The following SLC35D2 variants were observed in gnomAD, a reference collection of about 807,000 sequenced individuals.
The protein encoded by SLC35D2 is nucleotide sugar transporter SLC35D2.
SLC35D2 carries 43 observed loss-of-function variants against 41.8 expected under a neutral mutation model. The ratio of observed to expected loss-of-function variants is 1.03; its 90% CI spans 0.81 to 1.33. The LOEUF (loss-of-function observed/expected upper bound fraction) is 1.33, where lower values mean the gene tolerates loss of function less well. Ranked by LOEUF, SLC35D2 falls within the 40% of genes most tolerant of loss-of-function variation. SLC35D2 has a pLI of 0.00. For synonymous variants in SLC35D2, 150 were observed against 163.9 expected (o/e 0.92, Z 0.65); for missense variants, 380 against 408.4 (o/e 0.93, Z 0.60).
intron 8 of SLC35D2, among the ~76,000 whole-genome samples, chr9:96,339,741 C>A (rs954452577): frequency 3.3e-5 from 5 of 152,078 alleles, no homozygotes; most frequent in African/African-American, 1.2e-4. Context: ...AGAAAGTTCA[C>A]CCGCTGAGTA....
chr9:96,336,111 A>G (rs1829041490), intron 9 of SLC35D2, among the ~76,000 whole-genome samples: 1 of 152,166 alleles, frequency 6.6e-6, no homozygotes, highest in Non-Finnish European at 1.5e-5. Flanking sequence ...CTGTTGGACA[A>G]TACAACAGCC....
chr9:96,336,560 C>G (rs995161441), intron 9 of SLC35D2, among the ~76,000 whole-genome samples, 157 bp downstream of exon 9: 6 of 152,140 alleles, frequency 3.9e-5, no homozygotes, highest in South Asian at 2.1e-4. Flanking sequence ...TTCCAGGTAT[C>G]CTGGGTCCCT....
chr9:96,320,376 C>T (rs949504999), downstream of SLC35D2, among the ~76,000 whole-genome samples: 8 of 152,196 alleles, frequency 5.3e-5, no homozygotes, highest in East Asian at 3.9e-4. Flanking sequence ...ATTAGCAGGG[C>T]GTGGTGGCAG....
At chr9:96,336,865 T>G in intron 8 of SLC35D2, 81 bp from the exon 9 acceptor site, 3 of 814,824 alleles carry the variant, frequency 3.7e-6, no homozygotes, top group Non-Finnish European at 4.0e-6. Flanking sequence ...AACTGCATTT[T>G]GATACAGGAA....
chr9:96,377,134 G>C (rs1033458759), intron 1 of SLC35D2, among the ~76,000 whole-genome samples: 1 of 151,736 alleles, frequency 6.6e-6, no homozygotes, highest in African/African-American at 2.4e-5. Flanking sequence ...CTGAGGAGGA[G>C]GCCTGGGGAA....
intron 9 of SLC35D2, among the ~76,000 whole-genome samples, chr9:96,324,775 G>C (rs533639134): frequency 1.3e-5 from 2 of 151,880 alleles, no homozygotes; most frequent in Non-Finnish European, 2.9e-5. Flanking sequence ...GGCTGGTCTT[G>C]AACTCCTGAG....
chr9:96,345,681 CATA>C (rs1455942007), intron 6 of SLC35D2, among the ~76,000 whole-genome samples: 1 of 152,226 alleles, frequency 6.6e-6, no homozygotes, highest in African/African-American at 2.4e-5. Context: ...GATGAATCCA[CATA>C]ATAACTGGTG....
chr9:96,331,463 T>C (rs1405776825), intron 9 of SLC35D2, among the ~76,000 whole-genome samples: 1 of 152,124 alleles, frequency 6.6e-6, no homozygotes, highest in African/African-American at 2.4e-5. Context: ...CTTACAAGAA[T>C]GTAACCACTC....
rs1830200064 is a variant in SLC35D2, at chr9:96,360,141, T to C, written c.347+13A>G. On this transcript the variant is annotated intron_variant, in intron 4 of 11. Transcript: ENST00000253270. ...GTGAGGAACTTTCCACCAGCCATTA[T>C]CCTATACTCTACCTTAATTTACTTG... The C allele has an allele frequency of 1.2e-6, 2 of 1,605,370 alleles. No homozygotes were observed. Among genetic ancestry groups the C allele is most frequent in the Middle Eastern group, 1.7e-4 (1 of 6,048 alleles).
chr9:96,336,736 G>A lies in SLC35D2; in HGVS notation c.733C>T (p.Leu245Phe). 1.3e-6 allele frequency: 2 copies of A among 1,586,528 alleles called. No individual in the cohort carries two copies. Among genetic ancestry groups the A allele is most frequent in the Non-Finnish European group, 1.7e-6 (2 of 1,160,514 alleles). ...TCTTACCCCAAAAAACAGGAAAGAA[G>A]AAACTGTAGGATAAACACAACATTC... is the stretch of plus-strand genomic sequence containing the variant. Reference protein sequence around the residue: ...WKNVVFILQFLLSCFLGFLLM... With the variant: ...WKNVVFILQFFLSCFLGFLLM... The change falls in exon 9 of 12, where the codon CTT becomes TTT. Residue 245 changes from leucine to phenylalanine, a missense_variant. Leu to Phe is a conservative substitution (Grantham distance 22, BLOSUM62 0). Transcript: ENST00000253270.
chr9:96,320,074 G>A (rs1424332446), downstream of SLC35D2, among the ~76,000 whole-genome samples: 1 of 152,182 alleles, frequency 6.6e-6, no homozygotes, highest in Non-Finnish European at 1.5e-5. Context: ...ACGCAGGGAG[G>A]GAAAAGGCAC....
chr9:96,334,637 C>CA (rs912407369), intron 9 of SLC35D2, among the ~76,000 whole-genome samples: 65 of 148,396 alleles, frequency 4.4e-4, no homozygotes, highest in Admixed American at 4.7e-4. Flanking sequence ...GACTCCATCT[C>CA]AAAAAAAAAA....
chr9:96,381,321 C>T (rs1835894581), intron 1 of SLC35D2, among the ~76,000 whole-genome samples: 1 of 152,260 alleles, frequency 6.6e-6, no homozygotes, highest in South Asian at 2.1e-4. Flanking sequence ...GCTCCCATCT[C>T]ATTCAGAGCT....
downstream of SLC35D2, among the ~76,000 whole-genome samples, chr9:96,320,260 T>G (rs567128268): frequency 1.3e-5 from 2 of 152,300 alleles, no homozygotes; most frequent in Non-Finnish European, 2.9e-5. Context: ...ACGCCTGTGA[T>G]CCCAGCACTT....
At chr9:96,325,106 C>G (rs1272180797) in intron 9 of SLC35D2, among the ~76,000 whole-genome samples, 2 of 152,200 alleles carry the variant, frequency 1.3e-5, no homozygotes, top group Non-Finnish European at 2.9e-5. Flanking sequence ...AACTCAGGCA[C>G]TTAACATGAC....
intron 6 of SLC35D2, among the ~76,000 whole-genome samples, chr9:96,346,025 G>A (rs1829560744): frequency 6.6e-6 from 1 of 152,198 alleles, no homozygotes; most frequent in Non-Finnish European, 1.5e-5. Context: ...AAGAGGAAGA[G>A]CAATAGCTGA....
At chr9:96,322,229 C>A (rs923915089) in intron 10 of SLC35D2, 149 bp from the exon 11 acceptor site, 11 of 587,196 alleles carry the variant, frequency 1.9e-5, no homozygotes, top group Admixed American at 3.2e-5. Context: ...AAAATAAAAA[C>A]CATTACAGGC....
Position 96,345,315 on chromosome 9 carries a change from T to C in SLC35D2, c.575A>G (p.Gln192Arg). The part of the protein sequence containing the change: ...FTAANGVYTK[Q>R]KMDPKELGKY... Reference sequence around the variant, plus strand: ...GTCTGGTACCTTTGGGTCCATTTTCTGTTTGGTATAAACTCCATTTGCTGC... The same window carrying C: ...GTCTGGTACCTTTGGGTCCATTTTCCGTTTGGTATAAACTCCATTTGCTGC... Residue 192 changes from glutamine to arginine, a missense_variant, in exon 7 of 12, where the codon CAG becomes CGG. Gln to Arg is a conservative substitution (Grantham distance 43). Transcript: ENST00000253270. 1.9e-6 allele frequency: 3 copies of C among 1,603,428 alleles called. No individual in the cohort carries two copies. The highest frequency in any genetic ancestry group is 2.6e-6 in the Non-Finnish European group (3 of 1,172,930).
intron 6 of SLC35D2, among the ~76,000 whole-genome samples, chr9:96,346,322 AG>A (rs1178773290): frequency 6.6e-6 from 1 of 152,218 alleles, no homozygotes; most frequent in Non-Finnish European, 1.5e-5. Context: ...TTGGGCTTCA[AG>A]GAACAAATAA....
Sources: allele counts gnomAD v4.1 joint callset (sites outside exome capture counted in the v4.1 genomes callset), GRCh38; gene constraint gnomAD v4.1.1; transcripts MANE v1.5; gene names NCBI Gene and HGNC (gene_info 2026-07-23, HGNC 2026-07-21).